The following MSRA variants were observed in gnomAD, a reference collection of about 807,000 sequenced individuals.
MSRA encodes mitochondrial peptide methionine sulfoxide reductase.
Under a neutral mutation model 31.3 loss-of-function variants are expected in MSRA, and 54 were observed. That is an observed-to-expected ratio of 1.73 (90% confidence interval 1.39 to 2.17). MSRA has a LOEUF of 2.17. Ranked by LOEUF, MSRA falls within the 30% of genes most tolerant of loss-of-function variation. MSRA has a pLI of 0.00. For missense variants in MSRA, 507 were observed against 300.9 expected, an observed-to-expected ratio of 1.69 and a Z score of -5.07; for synonymous variants, 169 against 116.5, an observed-to-expected ratio of 1.45 and a Z score of -2.90.
At chr8:10,135,873 T>C (rs2016221) in intron 1 of MSRA, among the ~76,000 whole-genome samples, 33,343 of 152,152 alleles carry the variant, frequency 0.22, 4,745 homozygotes, top group East Asian at 0.57. Flanking sequence ...CACAGAGGCA[T>C]AACGAACCAT....
At chr8:10,160,776 C>G (rs1011636630) in intron 1 of MSRA, among the ~76,000 whole-genome samples, 3 of 152,124 alleles carry the variant, frequency 2.0e-5, no homozygotes, top group African/African-American at 7.2e-5. Flanking sequence ...GATCCACACC[C>G]CTTGGCCTCC....
intron 1 of MSRA, among the ~76,000 whole-genome samples, chr8:10,158,921 A>G (rs1484168464): frequency 1.3e-5 from 2 of 152,164 alleles, no homozygotes; most frequent in South Asian, 2.1e-4. Context: ...TAGCCACTCT[A>G]CTGCGTGTGA....
intron 1 of MSRA, among the ~76,000 whole-genome samples, chr8:10,169,146 C>G (rs1805391277): frequency 6.6e-6 from 1 of 152,176 alleles, no homozygotes. Context: ...GTGATGATGT[C>G]CAGAGACAGG....
chr8:10,405,219 C>A (rs1008588049), intron 5 of MSRA, among the ~76,000 whole-genome samples: 1 of 152,142 alleles, frequency 6.6e-6, no homozygotes, highest in Non-Finnish European at 1.5e-5. Flanking sequence ...GAGTGCCTCT[C>A]CCCTCTGTCA....
chr8:10,187,916 G>A (rs1017194943), intron 1 of MSRA, among the ~76,000 whole-genome samples: 1 of 152,144 alleles, frequency 6.6e-6, no homozygotes, highest in African/African-American at 2.4e-5. Context: ...TTAATGAACA[G>A]GTTCCTGCCT....
intron 1 of MSRA, among the ~76,000 whole-genome samples, chr8:10,127,258 TC>T (rs1369251023): frequency 6.6e-6 from 1 of 152,224 alleles, no homozygotes; most frequent in East Asian, 1.9e-4. Flanking sequence ...GTTATTTGTA[TC>T]CTACTCAGGG....
intron 3 of MSRA, among the ~76,000 whole-genome samples, chr8:10,256,774 C>T (rs575164014): frequency 1.3e-5 from 2 of 152,050 alleles, no homozygotes; most frequent in Admixed American, 6.6e-5. Context: ...CTCTGTCCCC[C>T]CGAGGCGAAG....
intron 5 of MSRA, among the ~76,000 whole-genome samples, chr8:10,348,357 CTTTTTTTTTTT>C (rs34083972): frequency 6.2e-5 from 4 of 64,242 alleles, no homozygotes; most frequent in Non-Finnish European, 7.9e-5. Flanking sequence ...AAATTATTGC[CTTTTTTTTTTT>C]TTTTTTTTTT....
intron 1 of MSRA, among the ~76,000 whole-genome samples, chr8:10,197,484 A>C (rs1208678542): frequency 6.6e-6 from 1 of 152,112 alleles, no homozygotes; most frequent in Non-Finnish European, 1.5e-5. Context: ...CAACCCTAAG[A>C]AGTGGGTCGG....
chr8:10,277,690 T>G (rs1450420047), intron 3 of MSRA, among the ~76,000 whole-genome samples: 1 of 152,210 alleles, frequency 6.6e-6, no homozygotes, highest in African/African-American at 2.4e-5. Flanking sequence ...TAATTGCTTA[T>G]CATCTTTCTT....
At chr8:10,096,020 C>T in intron 1 of MSRA, 1 of 1,455,260 alleles carries the variant, frequency 6.9e-7, no homozygotes, top group Non-Finnish European at 9.1e-7. Context: ...ATCAGAAAGA[C>T]ATCCTTCGGA....
At chr8:10,115,764 C>T (rs766115294) in intron 1 of MSRA, among the ~76,000 whole-genome samples, 4 of 152,268 alleles carry the variant, frequency 2.6e-5, no homozygotes, top group South Asian at 2.1e-4. Context: ...AGGGCAAGGA[C>T]GTCATCTTAG....
At chr8:10,378,213 G>T (rs913036445) in intron 5 of MSRA, among the ~76,000 whole-genome samples, 3 of 152,176 alleles carry the variant, frequency 2.0e-5, no homozygotes, top group African/African-American at 7.2e-5. Context: ...TCTGGGCCTT[G>T]ACACAGAAAG....
chr8:10,422,536 A>G (rs1222691652), intron 5 of MSRA, among the ~76,000 whole-genome samples: 3 of 152,200 alleles, frequency 2.0e-5, no homozygotes. Context: ...GTCGCCCCAC[A>G]TGTGTTACTG....
chr8:10,349,152 C>T (rs1455050127), intron 5 of MSRA, among the ~76,000 whole-genome samples: 1 of 152,176 alleles, frequency 6.6e-6, no homozygotes, highest in African/African-American at 2.4e-5. Context: ...AAAACAATTA[C>T]AAATAAGACA....
intron 5 of MSRA, among the ~76,000 whole-genome samples, chr8:10,402,364 G>A (rs1807519159): frequency 1.3e-5 from 2 of 152,264 alleles, no homozygotes; most frequent in South Asian, 4.1e-4. Flanking sequence ...CTCTGATGCT[G>A]AACGCCAAAT....
chr8:10,201,695 T>A (rs1044586646), intron 1 of MSRA, among the ~76,000 whole-genome samples: 22 of 152,266 alleles, frequency 1.4e-4, no homozygotes, highest in Admixed American at 1.4e-3. Context: ...AATGTCAGTA[T>A]CATCTTCTTA....
At chr8:10,249,206 A>G (rs1478330689) in intron 3 of MSRA, among the ~76,000 whole-genome samples, 3 of 152,210 alleles carry the variant, frequency 2.0e-5, no homozygotes, top group African/African-American at 4.8e-5. Flanking sequence ...GATTATTTAC[A>G]GAAAGAAAAT....
chr8:10,321,750 T>G (rs556983507), intron 5 of MSRA, among the ~76,000 whole-genome samples: 1 of 152,272 alleles, frequency 6.6e-6, no homozygotes, highest in South Asian at 2.1e-4. Context: ...TGCAGAGGCT[T>G]ACATGACAAG....
Sources: allele counts gnomAD v4.1 joint callset (sites outside exome capture counted in the v4.1 genomes callset), GRCh38; gene constraint gnomAD v4.1.1; transcripts MANE v1.5; gene names NCBI Gene and HGNC (gene_info 2026-07-23, HGNC 2026-07-21).